ACER3: variants seen among roughly 807,000 people sequenced by gnomAD.
ACER3 encodes the protein alkaline ceramidase 3, also known as alkCDase 3.
Under a neutral mutation model 48.9 loss-of-function variants are expected in ACER3, and 16 were observed. The observed-to-expected ratio is 0.33, with a 90% CI of 0.22 to 0.50. The LOEUF (loss-of-function observed/expected upper bound fraction) is 0.50. Ranked by LOEUF, ACER3 falls within the 20% of genes least tolerant of loss-of-function variation. The probability of loss-of-function intolerance (pLI) is 0.98; values close to 1 mark genes in which losing one functional copy is unlikely to be tolerated. For synonymous variants in ACER3, 109 were observed against 107.8 expected (o/e 1.01, Z -0.07); for missense variants, 227 against 326.0 (o/e 0.70, Z 2.34).
chr11:76,910,805 C>T (rs1362838549), intron 1 of ACER3, among the ~76,000 whole-genome samples: 1 of 152,094 alleles, frequency 6.6e-6, no homozygotes, highest in Non-Finnish European at 1.5e-5. Context: ...TATAATTGGT[C>T]CAACCATTCT....
rs147513973 is a variant in ACER3 at position 76,963,249 on chromosome 11, A to G, written c.267+4218A>G. 1.1e-3 allele frequency among the ~76,000 whole-genome samples: 160 copies of G among 151,468 alleles called. 4 individuals are homozygous for G. Among genetic ancestry groups the G allele is most frequent in the Non-Finnish European group, 2.0e-3 (136 of 68,026 alleles). On this transcript the variant is annotated intron_variant, in intron 3 of 10. Coordinates refer to ENST00000532485, the MANE Select transcript of ACER3 (RefSeq NM_018367.7). ...ACTTTAAACAAAACCACAATTATAC[A>G]AACAAAAAGTTTCACTTTATGCTTA... is the stretch of plus-strand genomic sequence containing the variant.
intron 1 of ACER3, among the ~76,000 whole-genome samples, chr11:76,908,974 A>G (rs1244384175): frequency 6.6e-6 from 1 of 152,184 alleles, no homozygotes; most frequent in East Asian, 1.9e-4. Flanking sequence ...CCACACATCT[A>G]CAACCATCTG....
intron 1 of ACER3, among the ~76,000 whole-genome samples, chr11:76,876,013 T>C (rs1328591453): frequency 1.3e-5 from 2 of 152,178 alleles, no homozygotes; most frequent in Admixed American, 6.5e-5. Flanking sequence ...CAGGATGGTC[T>C]TGAACTCCTG....
At chr11:76,980,811 T>C (rs1370873290) in intron 4 of ACER3, among the ~76,000 whole-genome samples, 1 of 152,256 alleles carries the variant, frequency 6.6e-6, no homozygotes, top group Non-Finnish European at 1.5e-5. Context: ...AGTCAACCTT[T>C]GTTCCTTCGT....
chr11:76,956,826 C>T (rs1947854484), intron 2 of ACER3, among the ~76,000 whole-genome samples: 1 of 151,944 alleles, frequency 6.6e-6, no homozygotes, highest in South Asian at 2.1e-4. Flanking sequence ...CACGAACCAC[C>T]CCACTTCCTT....
intron 1 of ACER3, among the ~76,000 whole-genome samples, chr11:76,872,898 C>CTTTTTT (rs1201710346): frequency 9.0e-6 from 1 of 110,616 alleles, no homozygotes. Context: ...TTCTTTCTTT[C>CTTTTTT]TTTTTTCTTT....
intron 1 of ACER3, among the ~76,000 whole-genome samples, chr11:76,896,631 A>G (rs1945937935): frequency 1.3e-5 from 2 of 152,186 alleles, no homozygotes; most frequent in Admixed American, 6.5e-5. Context: ...GAATCCTCCC[A>G]ATTCTGGCAG....
intron 8 of ACER3, among the ~76,000 whole-genome samples, chr11:77,016,239 C>T (rs1408004963): frequency 2.0e-5 from 3 of 151,716 alleles, no homozygotes; most frequent in Admixed American, 6.6e-5. Context: ...TTCAAACAAA[C>T]CAACTATTTA....
At chr11:76,877,522 C>T (rs935016545) in intron 1 of ACER3, among the ~76,000 whole-genome samples, 4 of 151,302 alleles carry the variant, frequency 2.6e-5, no homozygotes, top group African/African-American at 9.7e-5. Flanking sequence ...CCTTTTTTTC[C>T]CCCCCATTTC....
At chr11:76,952,685 T>TTTA (rs1555009510) in intron 2 of ACER3, among the ~76,000 whole-genome samples, 4 of 144,858 alleles carry the variant, frequency 2.8e-5, no homozygotes, top group Non-Finnish European at 4.5e-5. Context: ...TTTTTTTTTT[T>TTTA]AGACAGAGTC....
intron 1 of ACER3, among the ~76,000 whole-genome samples, chr11:76,911,764 A>G (rs1402144662): frequency 6.6e-6 from 1 of 152,130 alleles, no homozygotes; most frequent in African/African-American, 2.4e-5. Context: ...CACTACCTTC[A>G]CTATAAGTAT....
intron 2 of ACER3, among the ~76,000 whole-genome samples, chr11:76,936,949 T>G (rs1947203870): frequency 1.3e-5 from 2 of 152,120 alleles, no homozygotes; most frequent in Non-Finnish European, 2.9e-5. Context: ...ACTCCTGACC[T>G]CAAGTGATCT....
intron 2 of ACER3, among the ~76,000 whole-genome samples, chr11:76,937,321 C>T (rs1947216932): frequency 6.6e-6 from 1 of 152,196 alleles, no homozygotes; most frequent in African/African-American, 2.4e-5. Flanking sequence ...CAATATCTGA[C>T]AACTATATAT....
At chr11:76,975,636 T>C (rs1474517248) in intron 3 of ACER3, among the ~76,000 whole-genome samples, 1 of 152,074 alleles carries the variant, frequency 6.6e-6, no homozygotes, top group Non-Finnish European at 1.5e-5. Context: ...ATCATTTTTT[T>C]CTGGAGGTAC....
At position 77,014,938 on chromosome 11, in the gene ACER3, GA is replaced by G; in HGVS notation, c.498-75del. 6.9e-6 allele frequency: 6 copies of G among 875,166 alleles called. No individual in the cohort carries two copies. In the South Asian group the frequency reaches 7.1e-5, roughly 10 times the overall value. 54.2% of individuals were successfully genotyped at this position (875,166 alleles called of 1,614,324 possible). On this transcript the variant is annotated intron_variant, in intron 7 of 10. Coordinates refer to ENST00000532485, the MANE Select transcript of ACER3 (RefSeq NM_018367.7). ...GATCCCAGCCCTTATAAAAAAGGAA[GA>G]AAGTGATGGCTTCAATTTCTGATCG...
At chr11:76,935,375 T>G (rs2134884683) in intron 2 of ACER3, among the ~76,000 whole-genome samples, 1 of 152,296 alleles carries the variant, frequency 6.6e-6, no homozygotes, top group East Asian at 1.9e-4. Context: ...GACTTTAATA[T>G]GTATATTGAA....
chr11:76,941,532 A>C (rs900607041), intron 2 of ACER3, among the ~76,000 whole-genome samples: 43 of 151,942 alleles, frequency 2.8e-4, no homozygotes, highest in African/African-American at 1.0e-3. Flanking sequence ...GTGTAGTTTG[A>C]AGTCAGGCAA....
chr11:76,932,428 G>A (rs555292154), intron 2 of ACER3, among the ~76,000 whole-genome samples: 1 of 152,090 alleles, frequency 6.6e-6, no homozygotes, highest in South Asian at 2.1e-4. Context: ...ACAATCTGTT[G>A]CTCATATGCA....
chr11:77,003,917 T>A (rs953362234), intron 7 of ACER3, among the ~76,000 whole-genome samples: 11 of 152,350 alleles, frequency 7.2e-5, no homozygotes, highest in Non-Finnish European at 1.6e-4. Flanking sequence ...CTCTGCATGA[T>A]TTCATTTTTC....
Sources: allele counts gnomAD v4.1 joint callset (sites outside exome capture counted in the v4.1 genomes callset), GRCh38; gene constraint gnomAD v4.1.1; transcripts MANE v1.5; gene names NCBI Gene and HGNC (gene_info 2026-07-23, HGNC 2026-07-21).